The following TESC variants were observed in gnomAD, a reference collection of about 807,000 sequenced individuals.
TESC encodes the protein calcineurin B homologous protein 3.
TESC carries 19 observed loss-of-function variants against 31.0 expected under a neutral mutation model. The observed-to-expected ratio is 0.61, with a 90% CI of 0.43 to 0.90. The LOEUF is 0.90. Among genes scored for constraint, TESC ranks in the 40% least tolerant of loss-of-function variants. TESC has a pLI of 0.00. For missense variants in TESC, 248 were observed against 303.8 expected, an observed-to-expected ratio of 0.82 and a Z score of 1.36; for synonymous variants, 109 against 114.8, an observed-to-expected ratio of 0.95 and a Z score of 0.32.
At chr12:117,039,272 C>T in intron 7 of TESC, 62 bp from the exon 8 acceptor site, 1 of 1,512,736 alleles carries the variant, frequency 6.6e-7, no homozygotes, top group Non-Finnish European at 9.0e-7. Flanking sequence ...CTGACCAGGC[C>T]CCCCGGTCCT....
At position 117,063,292 on chromosome 12, in the gene TESC, C is replaced by T. The variant is rs76441696; in HGVS notation, c.129-6406G>A. On this transcript the variant is annotated intron_variant, in intron 2 of 7. Transcript: ENST00000335209. ...CTCACCACTTCCTTCCTTCCAGTTG[C>T]GCATTTTTACGTTAAAGAGAGAAAG... Among the ~76,000 whole-genome samples the T allele has an allele frequency of 9.1e-3, 1,381 of 152,204 alleles. 21 individuals are homozygous for T. Among genetic ancestry groups the T allele is most frequent in the African/African-American group, 0.031 (1,279 of 41,516 alleles).
rs557133304 is a variant in TESC, at chr12:117,041,093, C to T, written c.567+854G>A. Among the ~76,000 whole-genome samples the T allele has an allele frequency of 1.2e-4, 19 of 152,320 alleles. No individual in the cohort carries two copies. The East Asian group carries it at 2.9e-3, about 23-fold the overall frequency. On this transcript the variant is annotated intron_variant, in intron 7 of 7. Transcript: ENST00000335209. The stretch of plus-strand genomic sequence containing the variant: ...GCCACAGGGCATCTGATTATCAAAA[C>T]GGCCAGGAGCAGGTCTTGATTTGCA...
intron 1 of TESC, among the ~76,000 whole-genome samples, chr12:117,095,812 C>T (rs189330661): frequency 2.0e-5 from 3 of 152,056 alleles, no homozygotes; most frequent in Admixed American, 6.5e-5. Flanking sequence ...CCCAGGAGTT[C>T]GAGGTTGCAG....
At chr12:117,069,965 G>A (rs1167940276) in intron 2 of TESC, among the ~76,000 whole-genome samples, 1 of 152,214 alleles carries the variant, frequency 6.6e-6, no homozygotes, top group Admixed American at 6.5e-5. Flanking sequence ...GAGCGGGAAG[G>A]GGCAAAGGAG....
In TESC at chr12:117,056,867, C is replaced by T. The variant is rs2135760772; in HGVS notation, c.148G>A (p.Val50Ile). The T allele has an allele frequency of 6.2e-7, 1 of 1,614,102 alleles. No individual in the cohort carries two copies. Among genetic ancestry groups the T allele is most frequent in the Non-Finnish European group, 8.5e-7 (1 of 1,180,016 alleles). Residue 50 changes from valine to isoleucine, a missense_variant, in exon 3 of 8, where the codon GTC (valine) becomes ATC (isoleucine). Physicochemically the swap from Val to Ile is conservative, Grantham distance 29. Coordinates refer to ENST00000335209, the MANE Select transcript of TESC (RefSeq NM_017899.4). ...PTIRKENFNN[V>I]PDLELNPIRS... is the part of the protein sequence containing the mutation. The stretch of plus-strand genomic sequence containing the variant: ...ATGGGGTTGAGCTCCAGGTCCGGGA[C>T]ATTGTTGAAGTTCTCCTTGCTGGTT...
chr12:117,085,288 A>G (rs1469624908), intron 1 of TESC, among the ~76,000 whole-genome samples: 1 of 152,154 alleles, frequency 6.6e-6, no homozygotes, highest in Non-Finnish European at 1.5e-5. Context: ...AGTCCAGGAC[A>G]TTTGGACTTG....
chr12:117,097,230 T>G (rs781489792), intron 1 of TESC, among the ~76,000 whole-genome samples: 13 of 152,152 alleles, frequency 8.5e-5, no homozygotes, highest in Non-Finnish European at 1.6e-4. Context: ...GAACCTCCTC[T>G]CCGACCCTCT....
chr12:117,045,928 T>C (rs1954551116), intron 6 of TESC, among the ~76,000 whole-genome samples: 1 of 152,066 alleles, frequency 6.6e-6, no homozygotes, highest in Non-Finnish European at 1.5e-5. Flanking sequence ...CAAGAGAAAA[T>C]CCACCCTGCA....
At chr12:117,045,960 G>C (rs1188227288) in intron 6 of TESC, among the ~76,000 whole-genome samples, 2 of 152,208 alleles carry the variant, frequency 1.3e-5, no homozygotes, top group African/African-American at 4.8e-5. Context: ...ATAAGGTCTA[G>C]AGGATTCTCT....
intron 2 of TESC, among the ~76,000 whole-genome samples, chr12:117,058,764 G>A (rs1954764474): frequency 6.7e-6 from 1 of 148,532 alleles, no homozygotes; most frequent in African/African-American, 2.5e-5. Flanking sequence ...AAAAAAAAAG[G>A]CAAAAAAAGC....
intron 1 of TESC, among the ~76,000 whole-genome samples, chr12:117,091,854 G>A (rs755650120): frequency 2.6e-5 from 4 of 152,286 alleles, no homozygotes; most frequent in African/African-American, 9.6e-5. Context: ...CTCTACTGAC[G>A]AGGTTGTGGG....
intron 1 of TESC, among the ~76,000 whole-genome samples, chr12:117,075,853 A>ATATATATATGTGTGTG (rs1955047347): frequency 2.2e-5 from 1 of 46,406 alleles, no homozygotes; most frequent in Non-Finnish European, 3.8e-5. Context: ...GTGTGTATAT[A>ATATATATATGTGTGTG]TATATATATA....
chr12:117,087,585 C>A (rs1457429098), intron 1 of TESC, among the ~76,000 whole-genome samples: 2 of 152,184 alleles, frequency 1.3e-5, no homozygotes, highest in African/African-American at 4.8e-5. Context: ...AGTGGGTGCT[C>A]GTGACTTTAA....
intron 1 of TESC, among the ~76,000 whole-genome samples, chr12:117,075,939 A>ATG (rs1213149673): frequency 3.8e-5 from 4 of 103,994 alleles, no homozygotes; most frequent in African/African-American, 1.9e-4. Flanking sequence ...ATATATATAT[A>ATG]TGTATATATA....
At chr12:117,048,838 G>T in intron 4 of TESC, 181 bp downstream of exon 4, 1 of 927,780 alleles carries the variant, frequency 1.1e-6, no homozygotes, top group Non-Finnish European at 1.7e-6. Flanking sequence ...GGATGAAGGT[G>T]CCGGGAACGG....
chr12:117,086,268 ATTTT>A (rs113210754), intron 1 of TESC, among the ~76,000 whole-genome samples: 1 of 148,066 alleles, frequency 6.8e-6, no homozygotes, highest in African/African-American at 2.5e-5. Flanking sequence ...ATACACTTTA[ATTTT>A]TTTTTTTTTA....
intron 2 of TESC, among the ~76,000 whole-genome samples, chr12:117,073,349 T>C (rs1955001441): frequency 6.6e-6 from 1 of 152,176 alleles, no homozygotes; most frequent in African/African-American, 2.4e-5. Flanking sequence ...TTCTCTCTCC[T>C]CCACTGGGCT....
intron 3 of TESC, among the ~76,000 whole-genome samples, chr12:117,053,736 G>A (rs1176266442): frequency 2.6e-5 from 4 of 151,888 alleles, no homozygotes; most frequent in Non-Finnish European, 5.9e-5. Flanking sequence ...CCTCTCTCGC[G>A]TGCGCGCGCA....
intron 1 of TESC, among the ~76,000 whole-genome samples, chr12:117,085,845 G>A (rs959279370): frequency 2.0e-4 from 31 of 152,274 alleles, no homozygotes; most frequent in African/African-American, 5.8e-4. Context: ...GTCCTCCCTT[G>A]TGAGGTTGTT....
Sources: allele counts gnomAD v4.1 joint callset (sites outside exome capture counted in the v4.1 genomes callset), GRCh38; gene constraint gnomAD v4.1.1; transcripts MANE v1.5; gene names NCBI Gene and HGNC (gene_info 2026-07-23, HGNC 2026-07-21).